Variants in SPHKAP observed in about 807,000 individuals in gnomAD.
SPHKAP encodes SPHK1 interactor, AKAP domain containing, also known as A-kinase anchor protein SPHKAP.
In SPHKAP, 67 loss-of-function variants were observed where a neutral mutation model predicts 137.5. That is an observed-to-expected ratio of 0.49 (90% CI 0.40 to 0.60). The LOEUF is 0.60. Ranked by LOEUF, SPHKAP falls within the 20% of genes least tolerant of loss-of-function variation. The probability of loss-of-function intolerance (pLI) is 0.00; values close to 1 mark genes in which losing one functional copy is unlikely to be tolerated. For missense variants in SPHKAP, 2,097 were observed against 2,069.3 expected (o/e 1.01, Z -0.26); for synonymous variants, 813 against 785.3 (o/e 1.04, Z -0.59).
chr2:228,160,571 TG>T (rs1442958646), intron 1 of SPHKAP, among the ~76,000 whole-genome samples: 1 of 152,164 alleles, frequency 6.6e-6, no homozygotes, highest in Admixed American at 6.5e-5. Flanking sequence ...AACAGCAGCA[TG>T]GGGGGTAATC....
intron 1 of SPHKAP, among the ~76,000 whole-genome samples, chr2:228,155,897 C>T (rs190834024): frequency 6.6e-6 from 1 of 152,286 alleles, no homozygotes. Context: ...GAGGACAAAG[C>T]AAAATCTCAA....
At chr2:228,074,808 TCCTTCCTCC>T (rs558235723) in intron 3 of SPHKAP, among the ~76,000 whole-genome samples, 1 of 152,292 alleles carries the variant, frequency 6.6e-6, no homozygotes, top group African/African-American at 2.4e-5. Context: ...ATAATTTTCT[TCCTTCCTCC>T]CCTTCTTTTC....
At chr2:228,084,630 T>C (rs1227260755) in intron 3 of SPHKAP, among the ~76,000 whole-genome samples, 1 of 152,212 alleles carries the variant, frequency 6.6e-6, no homozygotes, top group Non-Finnish European at 1.5e-5. Flanking sequence ...TCACCATTGA[T>C]TAATTTTGAG....
rs139905734 is a variant in SPHKAP at position 228,133,720 on chromosome 2, C to A, written c.33-1635G>T. ...AATAAACAATTTATTTCTAACTAAC[C>A]TATAACTCTCATGTTTCAAGCACTA... On this transcript the variant is annotated intron_variant, in intron 1 of 11. Coordinates refer to ENST00000392056, the MANE Select transcript of SPHKAP (RefSeq NM_001142644.2). 8.2e-3 allele frequency among the ~76,000 whole-genome samples: 1,242 copies of A among 152,210 alleles called. 17 individuals are homozygous for A. Among genetic ancestry groups the A allele is most frequent in the African/African-American group, 0.029 (1,190 of 41,542 alleles).
rs996701455 is a variant in SPHKAP at position 227,995,789 on chromosome 2, G to A, written c.4449-95C>T. 3.9e-5 allele frequency: 53 copies of A among 1,366,178 alleles called. No individual in the cohort carries two copies. In the African/African-American group the frequency reaches 6.3e-4, roughly 16 times the overall value. The allele number at this position is 1,366,178 out of a possible 1,614,324, so 84.6% of individuals were successfully genotyped here. On this transcript the variant is annotated intron_variant, in intron 7 of 11. Coordinates refer to ENST00000392056, the MANE Select transcript of SPHKAP (RefSeq NM_001142644.2). ...CACTTTGTAGAGTCCCAATAAACAG[G>A]ATGTCACTGGACACAGGCAGAGTCT...
rs543853544 is a variant in SPHKAP, at chr2:228,173,354, A to G, written c.32+8213T>C. Among the ~76,000 whole-genome samples, 326 of 152,318 alleles carry G rather than the reference A, an allele frequency of 2.1e-3. 1 individual carries two copies. Among genetic ancestry groups the G allele is most frequent in the African/African-American group, 7.7e-3 (319 of 41,576 alleles). ...CCATATCTTAATTCCTGAAATCTGT[A>G]GTATATGTGACATTGTATGACAAAG... On this transcript the variant is annotated intron_variant, in intron 1 of 11. Transcript: ENST00000392056.
At chr2:228,103,527 G>A (rs906843706) in intron 3 of SPHKAP, among the ~76,000 whole-genome samples, 1 of 152,210 alleles carries the variant, frequency 6.6e-6, no homozygotes, top group Non-Finnish European at 1.5e-5. Context: ...GCGTGGTACT[G>A]GCTGAAGTTG....
At chr2:228,000,471 AGCCGG>A (rs1435378869) in intron 7 of SPHKAP, among the ~76,000 whole-genome samples, 3 of 152,064 alleles carry the variant, frequency 2.0e-5, no homozygotes, top group Non-Finnish European at 1.5e-5. Context: ...ACAAAAAATT[AGCCGG>A]GCATGGTGGT....
At chr2:228,109,609 A>G (rs1238481365) in intron 2 of SPHKAP, among the ~76,000 whole-genome samples, 1 of 152,206 alleles carries the variant, frequency 6.6e-6, no homozygotes, top group Non-Finnish European at 1.5e-5. Context: ...AAGAACAAGC[A>G]TATTTTGGAG....
intron 3 of SPHKAP, among the ~76,000 whole-genome samples, chr2:228,070,040 C>T (rs1696957108): frequency 6.6e-6 from 1 of 152,194 alleles, no homozygotes; most frequent in African/African-American, 2.4e-5. Flanking sequence ...TCCATTTCAA[C>T]TTCTAAAGGA....
At chr2:228,005,474 G>A (rs2106188186) in intron 7 of SPHKAP, among the ~76,000 whole-genome samples, 1 of 152,276 alleles carries the variant, frequency 6.6e-6, no homozygotes, top group Non-Finnish European at 1.5e-5. Context: ...CCTGAATACA[G>A]CACACTGATG....
chr2:228,154,187 A>C (rs1444621666), intron 1 of SPHKAP, among the ~76,000 whole-genome samples: 1 of 152,076 alleles, frequency 6.6e-6, no homozygotes, highest in African/African-American at 2.4e-5. Flanking sequence ...CGACAGACAA[A>C]ATGCAAATCT....
rs372649322 is a variant in SPHKAP, at chr2:228,025,350, A to G, written c.441+44T>C. 9.9e-6 allele frequency: 16 copies of G among 1,608,766 alleles called. No individual in the cohort carries two copies. The African/African-American group carries it at 2.0e-4, about 20-fold the overall frequency. ...GTTTACACTGATCTGTGCTGAGCTAACTATAGATGTAAGTAAATGGCTTAT... is the reference window on the plus strand; with the variant it reads ...GTTTACACTGATCTGTGCTGAGCTAGCTATAGATGTAAGTAAATGGCTTAT... On this transcript the variant is annotated intron_variant, in intron 5 of 11. Transcript: ENST00000392056.
intron 7 of SPHKAP, among the ~76,000 whole-genome samples, chr2:228,006,677 A>G (rs551194969): frequency 3.9e-4 from 59 of 151,858 alleles, no homozygotes; most frequent in Non-Finnish European, 7.9e-4. Flanking sequence ...GGTTTTATCT[A>G]CCTTTGGTCT....
intron 2 of SPHKAP, among the ~76,000 whole-genome samples, chr2:228,112,733 A>G (rs1260842739): frequency 6.6e-6 from 1 of 152,156 alleles, no homozygotes; most frequent in East Asian, 1.9e-4. Flanking sequence ...CTTCTCTAAC[A>G]GAGAAATGTG....
chr2:228,169,672 A>T (rs1700525934), intron 1 of SPHKAP: 1 of 152,142 alleles, frequency 6.6e-6, no homozygotes, highest in East Asian at 1.9e-4. Flanking sequence ...CTTACATAAC[A>T]TCCATTCTGT....
chr2:228,109,830 G>A (rs1426220601), intron 2 of SPHKAP, among the ~76,000 whole-genome samples: 2 of 151,820 alleles, frequency 1.3e-5, no homozygotes, highest in African/African-American at 4.8e-5. Flanking sequence ...GGCCAGGCGT[G>A]GTGGTGCGCC....
At chr2:228,151,206 A>G (rs1699918215) in intron 1 of SPHKAP, among the ~76,000 whole-genome samples, 1 of 151,302 alleles carries the variant, frequency 6.6e-6, no homozygotes, top group Admixed American at 6.6e-5. Context: ...TCCTTGCGAT[A>G]GTTTACTGAG....
chr2:228,131,494 T>G (rs1420382239), intron 2 of SPHKAP, among the ~76,000 whole-genome samples: 1 of 151,894 alleles, frequency 6.6e-6, no homozygotes, highest in African/African-American at 2.4e-5. Context: ...TTCTTTTTTT[T>G]TTTTATATCA....
Sources: gnomAD v4.1 joint callset for allele counts (sites outside exome capture counted in the v4.1 genomes callset) on GRCh38, gnomAD v4.1.1 for gene constraint, MANE v1.5 for transcripts, NCBI Gene and HGNC (gene_info 2026-07-23, HGNC 2026-07-21) for gene names.